Variants in DEUP1 observed in about 807,000 individuals in gnomAD.
DEUP1 encodes deuterosome assembly protein 1.
Under a neutral mutation model 87.4 loss-of-function variants are expected in DEUP1, and 82 were observed. That is an observed-to-expected ratio of 0.94 (90% CI 0.78 to 1.13). DEUP1 has a LOEUF of 1.13. Ranked by LOEUF, DEUP1 falls within the 50% of genes most tolerant of loss-of-function variation. The pLI, the probability that DEUP1 is intolerant of heterozygous loss-of-function variation, is 0.00. For synonymous variants in DEUP1, 214 were observed against 222.7 expected (o/e 0.96, Z 0.35); for missense variants, 663 against 681.5 (o/e 0.97, Z 0.30).
At chr11:93,432,622 TAG>T (rs1223447054) in intron 13 of DEUP1, among the ~76,000 whole-genome samples, 1 of 152,008 alleles carries the variant, frequency 6.6e-6, no homozygotes, top group Non-Finnish European at 1.5e-5. Context: ...GTTATTAGGA[TAG>T]AGACAAGATA....
intron 13 of DEUP1, 39 bp downstream of exon 13, chr11:93,415,153 G>T (rs747760424): frequency 1.6e-6 from 2 of 1,226,494 alleles, no homozygotes; most frequent in Non-Finnish European, 1.2e-6. Flanking sequence ...TCTTTAATGG[G>T]TTATTGCTTT....
chr11:93,383,914 A>T (rs1264401100), intron 7 of DEUP1, among the ~76,000 whole-genome samples: 1 of 152,304 alleles, frequency 6.6e-6, no homozygotes, highest in East Asian at 1.9e-4. Context: ...TCTGGTAGTT[A>T]TGAGTTGTGT....
rs764570130 is a variant in DEUP1, at chr11:93,396,365, T to C, written c.1326+40T>C. ...TCATTCAATAAATTGAACAAAGAGA[T>C]TACTGAATTGGTCACGATTAACCTA... On this transcript the variant is annotated intron_variant, in intron 11 of 13. Transcript: ENST00000298050. The C allele has an allele frequency of 9.6e-5, 121 of 1,261,204 alleles. 1 individual carries two copies. Among genetic ancestry groups the C allele is most frequent in the Non-Finnish European group, 1.1e-4 (97 of 902,908 alleles). The allele number at this position is 1,261,204 out of a possible 1,614,324, so 78.1% of individuals were successfully genotyped here.
At chr11:93,417,912 G>C (rs1275632657) in intron 13 of DEUP1, among the ~76,000 whole-genome samples, 3 of 151,450 alleles carry the variant, frequency 2.0e-5, no homozygotes, top group Non-Finnish European at 1.5e-5. Context: ...ACAAACCTGA[G>C]AAAAACAAGC....
chr11:93,408,908 G>A (rs913453137), intron 12 of DEUP1, among the ~76,000 whole-genome samples: 1 of 152,140 alleles, frequency 6.6e-6, no homozygotes, highest in East Asian at 1.9e-4. Flanking sequence ...CCAGGCTGGA[G>A]TGCAGTGGTG....
chr11:93,367,583 C>T (rs901398350), intron 5 of DEUP1, among the ~76,000 whole-genome samples: 1 of 152,066 alleles, frequency 6.6e-6, no homozygotes, highest in East Asian at 1.9e-4. Flanking sequence ...GTGTATAGTT[C>T]CCTACTTTAT....
intron 1 of DEUP1, among the ~76,000 whole-genome samples, chr11:93,331,995 C>T (rs1196806588): frequency 1.3e-5 from 2 of 152,200 alleles, no homozygotes; most frequent in East Asian, 3.9e-4. Context: ...GAGCTGAGAT[C>T]GTGCCTCTGC....
In DEUP1 at chr11:93,416,735, A is replaced by G. The variant is rs2134453883; in HGVS notation, c.1638+1621A>G. On this transcript the variant is annotated intron_variant, in intron 13 of 13. Transcript: ENST00000298050. ...GGCAGAGACACAACCAAATAAGAGAATTTTAGACCAATATCCTTGATAAAC... is the reference window on the plus strand; with the variant it reads ...GGCAGAGACACAACCAAATAAGAGAGTTTTAGACCAATATCCTTGATAAAC... Among the ~76,000 whole-genome samples the G allele has an allele frequency of 1.3e-5, 2 of 151,762 alleles. 1 individual carries two copies. Among genetic ancestry groups the G allele is most frequent in the South Asian group, 4.2e-4 (2 of 4,788 alleles).
intron 13 of DEUP1, among the ~76,000 whole-genome samples, chr11:93,434,799 T>C (rs1232863914): frequency 6.6e-6 from 1 of 152,206 alleles, no homozygotes; most frequent in Non-Finnish European, 1.5e-5. Context: ...CCCAGATCCA[T>C]GTATTCTACC....
At chr11:93,402,419 T>C (rs147820610) in intron 11 of DEUP1, among the ~76,000 whole-genome samples, 2 of 152,126 alleles carry the variant, frequency 1.3e-5, no homozygotes, top group African/African-American at 4.8e-5. Context: ...GAATGTAAAT[T>C]AGTATAGCAC....
At chr11:93,365,657 G>A (rs2925361) in intron 5 of DEUP1, among the ~76,000 whole-genome samples, 121,722 of 151,966 alleles carry the variant, frequency 0.8, 48,857 homozygotes, top group East Asian at 0.89. Context: ...AAATATTTAC[G>A]TTATATATAT....
intron 4 of DEUP1, among the ~76,000 whole-genome samples, chr11:93,359,193 C>A (rs995770434): frequency 3.9e-5 from 6 of 152,106 alleles, no homozygotes; most frequent in African/African-American, 1.4e-4. Flanking sequence ...TTGTTGCTGC[C>A]AGCTCACTCT....
chr11:93,409,165 C>A (rs1015055883), intron 12 of DEUP1, among the ~76,000 whole-genome samples: 6 of 152,116 alleles, frequency 3.9e-5, no homozygotes, highest in Non-Finnish European at 8.8e-5. Context: ...CCAATAGATA[C>A]ACTTTCCATT....
At chr11:93,416,689 A>G (rs1947643948) in intron 13 of DEUP1, among the ~76,000 whole-genome samples, 2 of 151,864 alleles carry the variant, frequency 1.3e-5, no homozygotes, top group Admixed American at 1.3e-4. Flanking sequence ...TGAGGCCAGC[A>G]TCATCCTGAT....
At chr11:93,345,955 C>T (rs1274749032) in intron 2 of DEUP1, among the ~76,000 whole-genome samples, 1 of 152,042 alleles carries the variant, frequency 6.6e-6, no homozygotes, top group Non-Finnish European at 1.5e-5. Flanking sequence ...AATAGTGATG[C>T]CTAGGTTGTC....
chr11:93,406,750 A>T (rs1281149351), intron 11 of DEUP1, among the ~76,000 whole-genome samples: 5 of 151,944 alleles, frequency 3.3e-5, no homozygotes, highest in Non-Finnish European at 5.9e-5. Flanking sequence ...AATGTAAAAA[A>T]AATTCCTTCA....
intron 13 of DEUP1, among the ~76,000 whole-genome samples, chr11:93,427,925 T>C (rs1947978337): frequency 6.7e-6 from 1 of 148,222 alleles, no homozygotes; most frequent in Non-Finnish European, 1.5e-5. Flanking sequence ...CACAATGAGA[T>C]ACCATCTCAT....
chr11:93,373,635 A>ATG (rs1467544436), intron 7 of DEUP1, among the ~76,000 whole-genome samples: 5 of 145,918 alleles, frequency 3.4e-5, no homozygotes, highest in South Asian at 2.1e-4. Context: ...GTATATATAT[A>ATG]TATATATATA....
At chr11:93,364,365 C>A in intron 5 of DEUP1, 71 bp downstream of exon 5, 1 of 1,334,570 alleles carries the variant, frequency 7.5e-7, no homozygotes, top group South Asian at 1.2e-5. Context: ...CTATTTGTCT[C>A]TAGTGTCCAC....
Sources: allele counts gnomAD v4.1 joint callset (sites outside exome capture counted in the v4.1 genomes callset), GRCh38; gene constraint gnomAD v4.1.1; transcripts MANE v1.5; gene names NCBI Gene and HGNC (gene_info 2026-07-23, HGNC 2026-07-21).